Variants in FCGR3B observed in about 807,000 individuals in gnomAD.
The protein encoded by FCGR3B is Fc gamma receptor IIIb, also known as low affinity immunoglobulin gamma Fc region receptor III-B.
In FCGR3B, 20 loss-of-function variants were observed where a neutral mutation model predicts 26.7. The ratio of observed to expected loss-of-function variants is 0.75; its 90% CI spans 0.53 to 1.09. The LOEUF is 1.09. Among genes scored for constraint, FCGR3B ranks in the 50% least tolerant of loss-of-function variants. FCGR3B has a pLI of 0.00. For missense variants in FCGR3B, 191 were observed against 279.7 expected, an observed-to-expected ratio of 0.68 and a Z score of 2.26; for synonymous variants, 79 against 107.0, an observed-to-expected ratio of 0.74 and a Z score of 1.62.
At chr1:161,628,100 T>C (rs536562026) in intron 3 of FCGR3B, among the ~76,000 whole-genome samples, 1 of 149,794 alleles carries the variant, frequency 6.7e-6, no homozygotes, top group South Asian at 2.1e-4. Flanking sequence ...CGTGAAACCC[T>C]GTCTCTACTA....
Position 161,624,226 on chromosome 1 carries a change from A to G in FCGR3B, c.*289T>C, listed in dbSNP as rs1345648371. On this transcript the variant is annotated 3_prime_UTR_variant, in exon 5 of 5. Transcript: ENST00000650385. ...GTGTTTGTGTAGCTCTGAAACTTCA[A>G]TTTCTAGGAATGCAGCTACTCACTG... The G allele has an allele frequency of 4.2e-5, 16 of 377,616 alleles. No homozygotes were observed. Among genetic ancestry groups the G allele is most frequent in the Non-Finnish European group, 6.3e-5 (13 of 206,310 alleles). 23.4% of individuals were successfully genotyped at this position (377,616 alleles called of 1,614,324 possible). A position where few individuals can be genotyped will look rare whatever the true frequency, so the allele number is the denominator to read the frequency against.
At chr1:161,630,327 G>C in intron 2 of FCGR3B, 41 bp downstream of exon 2, 1 of 1,574,076 alleles carries the variant, frequency 6.4e-7, no homozygotes, top group Non-Finnish European at 8.7e-7. Context: ...GTCCCCATAT[G>C]TGCCCCACTG....
At chr1:161,630,452 G>A in intron 1 of FCGR3B, 64 bp from the exon 2 acceptor site, 1 of 1,517,736 alleles carries the variant, frequency 6.6e-7, no homozygotes. Context: ...TTAGAACATA[G>A]AGTGAGTTTA....
At chr1:161,631,644 G>A (rs1384455872), upstream of FCGR3B, among the ~76,000 whole-genome samples, 5 of 132,552 alleles carry the variant, frequency 3.8e-5, 1 homozygote, top group Non-Finnish European at 8.1e-5. Flanking sequence ...CAGTGTCTCT[G>A]CCTCAATATT....
At position 161,623,628 on chromosome 1, in the gene FCGR3B, G is replaced by A. The variant is rs1333803554; in HGVS notation, c.*887C>T. 6.7e-6 allele frequency: 1 copy of A among 148,448 alleles called. No homozygotes were observed. Among genetic ancestry groups the A allele is most frequent in the Non-Finnish European group, 1.5e-5 (1 of 67,334 alleles). 9.2% of individuals were successfully genotyped at this position (148,448 alleles called of 1,614,324 possible). On this transcript the variant is annotated 3_prime_UTR_variant, in exon 5 of 5. Transcript: ENST00000650385. ...GCTTCTGGTTGGTTCTTTCTTCTCA[G>A]GCTTTCTCATTCTGATGCTGAGATA...
chr1:161,625,757 T>C (rs1286458189), intron 4 of FCGR3B, among the ~76,000 whole-genome samples: 2 of 141,432 alleles, frequency 1.4e-5, no homozygotes, highest in African/African-American at 5.4e-5. Context: ...TGTGAGGGGA[T>C]GAGGGGCTCC....
At chr1:161,631,259 G>A (rs1156279535), upstream of FCGR3B, 12 of 1,491,864 alleles carry the variant, frequency 8.0e-6, 1 homozygote, top group African/African-American at 4.3e-5. Context: ...TCAATCTGAA[G>A]TCTCGCAATG....
Position 161,626,220 on chromosome 1 carries a change from C to T in FCGR3B, c.502G>A (p.Gly168Ser), listed in dbSNP as rs188904436. 185 of 1,608,584 alleles carry T rather than the reference C, an allele frequency of 1.2e-4. 10 individuals carry two copies. The African/African-American group carries it at 1.8e-3, about 16-fold the overall frequency. Reference sequence around the variant, plus strand: ...ACAAGCCCCCTGCAGAAGTAGGAGCCGCTATCTTTGAGTGTGGCTTTTGGA... The same window carrying T: ...ACAAGCCCCCTGCAGAAGTAGGAGCTGCTATCTTTGAGTGTGGCTTTTGGA... The part of the protein sequence containing the change: ...HIPKATLKDS[G>S]SYFCRGLVGS... The change falls in exon 4 of 5, where the codon GGC (glycine) becomes AGC (serine). Residue 168 changes from glycine (G) to serine (S), a missense_variant. This residue lies in a region of FCGR3B where 103 missense variants were observed against 114.5 expected (regional missense o/e 0.90). Coordinates refer to ENST00000650385, the MANE Select transcript of FCGR3B (RefSeq NM_001244753.2).
chr1:161,628,475 A>G (rs1389764404), intron 3 of FCGR3B, among the ~76,000 whole-genome samples: 1 of 149,676 alleles, frequency 6.7e-6, no homozygotes, highest in Non-Finnish European at 1.5e-5. Context: ...AAGGCAAACT[A>G]GTAACTCCTA....
intron 3 of FCGR3B, among the ~76,000 whole-genome samples, chr1:161,628,737 C>T (rs1456839345): frequency 1.4e-5 from 2 of 145,306 alleles, no homozygotes; most frequent in South Asian, 2.3e-4. Context: ...CACCCATAAA[C>T]ATTGTATGAA....
rs752854301 is a variant in FCGR3B at position 161,629,783 on chromosome 1, T to G, written c.314A>C (p.His105Pro). The G allele has an allele frequency of 7.0e-7, 1 of 1,432,874 alleles. No homozygotes were observed. Among genetic ancestry groups the G allele is most frequent in the African/African-American group, 2.2e-5 (1 of 46,054 alleles). The allele number at this position is 1,432,874 out of a possible 1,614,324, so 88.8% of individuals were successfully genotyped here. A position where few individuals can be genotyped will look rare whatever the true frequency, so the allele number is the denominator to read the frequency against. ...TLSDPVQLEV[H>P]IGWLLLQAPR... ...CTTCCCCTTCATCAACTCACCGATATGGACTTCTAGCTGCACCGGGTCACT... is the reference window on the plus strand; with the variant it reads ...CTTCCCCTTCATCAACTCACCGATAGGGACTTCTAGCTGCACCGGGTCACT... The change falls in exon 3 of 5, where the codon CAT becomes CCT. Residue 105 changes from histidine (H) to proline (P), a missense_variant. His to Pro is a moderately conservative substitution (Grantham distance 77, BLOSUM62 -2). This residue lies in a region of FCGR3B where 88 missense variants were observed against 165.2 expected (regional missense o/e 0.53). Transcript: ENST00000650385.
chr1:161,629,908 A>G lies in FCGR3B; in HGVS notation c.189T>C (p.Asn63=), dbSNP rs1227851626. The part of the protein sequence containing the change: ...PEDNSTQWFH[N]ENLISSQASS... ...AGGCCTGGCTTGAGATGAGGTTCTCATTGTGAAACCACTGTGTGGAATTGT... is the reference window on the plus strand; with the variant it reads ...AGGCCTGGCTTGAGATGAGGTTCTCGTTGTGAAACCACTGTGTGGAATTGT... Residue 63 remains asparagine (N), a synonymous_variant, in exon 3 of 5, where the codon AAT becomes AAC. Transcript: ENST00000650385. The G allele has an allele frequency of 8.0e-6, 12 of 1,508,892 alleles. 1 individual carries two copies. Among genetic ancestry groups the G allele is most frequent in the African/African-American group, 1.9e-5 (1 of 53,668 alleles). 93.5% of individuals were successfully genotyped at this position (1,508,892 alleles called of 1,614,324 possible). A position where few individuals can be genotyped will look rare whatever the true frequency, so the allele number is the denominator to read the frequency against.
In FCGR3B at chr1:161,624,342, C is replaced by T. The variant is rs1381623366; in HGVS notation, c.*173G>A. ...TGGATAAAGGATCTGGCTCTGAGTT[C>T]TATGTTTCCTGCTGCTTGTAGAGAG... On this transcript the variant is annotated 3_prime_UTR_variant, in exon 5 of 5. Transcript: ENST00000650385. 3.9e-6 allele frequency: 3 copies of T among 767,106 alleles called. No homozygotes were observed. The highest frequency in any genetic ancestry group is 5.1e-5 in the Admixed American group (2 of 39,598). The allele number at this position is 767,106 out of a possible 1,614,324, so 47.5% of individuals were successfully genotyped here. A position where few individuals can be genotyped will look rare whatever the true frequency, so the allele number is the denominator to read the frequency against.
chr1:161,627,352 C>A (rs1679516701), intron 3 of FCGR3B, among the ~76,000 whole-genome samples: 1 of 150,164 alleles, frequency 6.7e-6, no homozygotes, highest in Non-Finnish European at 1.5e-5. Flanking sequence ...TTTTAAATTT[C>A]TCCTGTTTAC....
At chr1:161,626,576 G>A (rs1460868247) in intron 3 of FCGR3B, among the ~76,000 whole-genome samples, 174 bp from the exon 4 acceptor site, 2 of 147,538 alleles carry the variant, frequency 1.4e-5, no homozygotes, top group East Asian at 2.0e-4. Context: ...GAGAACTGAA[G>A]TCATACCAAG....
rs1191828688 is a variant in FCGR3B, at chr1:161,624,212, G to C, written c.*303C>G. On this transcript the variant is annotated 3_prime_UTR_variant, in exon 5 of 5. Coordinates refer to ENST00000650385, the MANE Select transcript of FCGR3B (RefSeq NM_001244753.2). ...TTGGGACAGAAAAAGTGTTTGTGTAGCTCTGAAACTTCAATTTCTAGGAAT... is the reference window on the plus strand; with the variant it reads ...TTGGGACAGAAAAAGTGTTTGTGTACCTCTGAAACTTCAATTTCTAGGAAT... The C allele has an allele frequency of 2.8e-6, 1 of 355,398 alleles. No homozygotes were observed. The highest frequency in any genetic ancestry group is 5.2e-6 in the Non-Finnish European group (1 of 193,058). The allele number at this position is 355,398 out of a possible 1,614,324, so 22.0% of individuals were successfully genotyped here.
At chr1:161,629,471 C>T (rs1270653385) in intron 3 of FCGR3B, among the ~76,000 whole-genome samples, 1 of 52,314 alleles carries the variant, frequency 1.9e-5, no homozygotes. Flanking sequence ...AAATAAATAA[C>T]TATTATTGAG....
chr1:161,626,385 C>A lies in FCGR3B; in HGVS notation c.337G>T (p.Ala113Ser), dbSNP rs2102588731. ...EVHIGWLLLQ[A>S]PRWVFKEEDP... The stretch of plus-strand genomic sequence containing the variant: ...TCCTCCTTGAACACCCACCGAGGGG[C>A]CTGGAGCAACAGCCAGCCTGAAAGA... The change falls in exon 4 of 5, where the codon GCC becomes TCC. Residue 113 changes from alanine (A) to serine (S), a missense_variant. Coordinates refer to ENST00000650385, the MANE Select transcript of FCGR3B (RefSeq NM_001244753.2). 1.2e-6 allele frequency: 2 copies of A among 1,609,190 alleles called. No homozygotes were observed. The highest frequency in any genetic ancestry group is 1.7e-6 in the Non-Finnish European group (2 of 1,178,142).
rs1224356730 is a variant in FCGR3B, at chr1:161,623,283, C to T, written c.*1232G>A. 2 of 150,342 alleles carry T rather than the reference C, an allele frequency of 1.3e-5. No homozygotes were observed. The highest frequency in any genetic ancestry group is 3.0e-5 in the Non-Finnish European group (2 of 67,724). 9.3% of individuals were successfully genotyped at this position (150,342 alleles called of 1,614,324 possible). A position where few individuals can be genotyped will look rare whatever the true frequency, so the allele number is the denominator to read the frequency against. On this transcript the variant is annotated 3_prime_UTR_variant, in exon 5 of 5. Coordinates refer to ENST00000650385, the MANE Select transcript of FCGR3B (RefSeq NM_001244753.2). The stretch of plus-strand genomic sequence containing the variant: ...ATCTTGTAAAATGCTTTATTGGAAC[C>T]AAGAAATGTTGCACTGAAAGCTTAC...
Sources: allele counts gnomAD v4.1 joint callset (sites outside exome capture counted in the v4.1 genomes callset), GRCh38; gene constraint gnomAD v4.1.1; regional missense constraint gnomAD v4.1.1; transcripts MANE v1.5; gene names NCBI Gene and HGNC (gene_info 2026-07-23, HGNC 2026-07-21).